The following CACNA2D1 variants were observed in gnomAD, a reference collection of about 807,000 sequenced individuals.
CACNA2D1 encodes voltage-dependent calcium channel subunit alpha-2/delta-1.
Under a neutral mutation model 171.5 loss-of-function variants are expected in CACNA2D1, and 53 were observed. The ratio of observed to expected loss-of-function variants is 0.31; its 90% CI spans 0.25 to 0.39. CACNA2D1 has a LOEUF of 0.39. Among genes scored for constraint, CACNA2D1 ranks in the 10% least tolerant of loss-of-function variants. The pLI is 1.00. For missense variants in CACNA2D1, 903 were observed against 1,299.8 expected, an observed-to-expected ratio of 0.69 and a Z score of 4.69; for synonymous variants, 442 against 443.1, an observed-to-expected ratio of 1.00 and a Z score of 0.03.
At chr7:82,263,694 T>C (rs1044297446) in intron 3 of CACNA2D1, among the ~76,000 whole-genome samples, 15 of 152,224 alleles carry the variant, frequency 9.9e-5, no homozygotes, top group African/African-American at 2.2e-4. Flanking sequence ...TTTTGTTTCG[T>C]TTTGTTTTGG....
intron 10 of CACNA2D1, among the ~76,000 whole-genome samples, chr7:82,057,760 CAGG>C (rs1806124674): frequency 6.6e-6 from 1 of 152,088 alleles, no homozygotes; most frequent in Admixed American, 6.6e-5. Context: ...TCATAGGCCC[CAGG>C]AGGAGTAAGA....
At chr7:82,397,687 T>C (rs1205839025) in intron 1 of CACNA2D1, among the ~76,000 whole-genome samples, 1 of 152,164 alleles carries the variant, frequency 6.6e-6, no homozygotes, top group Non-Finnish European at 1.5e-5. Context: ...GACAGCCAAA[T>C]GTATTGAGCA....
Position 82,070,398 on chromosome 7 carries a change from TG to T in CACNA2D1, c.659-3875del, listed in dbSNP as rs144205566. ...CCTTAATGAAAAATCTGAAATCTTT[TG>T]TATCTTAGTATAGTAAAGTACTTCT... is the stretch of plus-strand genomic sequence containing the variant. On this transcript the variant is annotated intron_variant, in intron 7 of 38. Coordinates refer to ENST00000356860, the MANE Select transcript of CACNA2D1 (RefSeq NM_000722.4). Among the ~76,000 whole-genome samples, 1,262 of 152,348 alleles carry T rather than the reference TG, an allele frequency of 8.3e-3. 21 individuals are homozygous for T. The highest frequency in any genetic ancestry group is 0.029 in the African/African-American group (1,203 of 41,572).
intron 10 of CACNA2D1, among the ~76,000 whole-genome samples, chr7:82,052,520 A>G (rs1376039466): frequency 4.6e-5 from 7 of 152,228 alleles, no homozygotes; most frequent in Non-Finnish European, 1.0e-4. Context: ...AGAATGTTGC[A>G]TAAGAATCAA....
chr7:82,239,298 T>C (rs991045529), intron 3 of CACNA2D1, among the ~76,000 whole-genome samples: 2 of 151,244 alleles, frequency 1.3e-5, no homozygotes, highest in African/African-American at 4.9e-5. Flanking sequence ...ATAAATTTGG[T>C]GGTGTACTGT....
At chr7:82,435,926 A>G (rs1052024838) in intron 1 of CACNA2D1, among the ~76,000 whole-genome samples, 10 of 152,130 alleles carry the variant, frequency 6.6e-5, no homozygotes, top group African/African-American at 2.4e-4. Context: ...CATCACTTCC[A>G]ATTGACAAGT....
At chr7:82,045,928 A>G (rs773050482) in intron 10 of CACNA2D1, among the ~76,000 whole-genome samples, 9 of 152,240 alleles carry the variant, frequency 5.9e-5, no homozygotes, top group South Asian at 2.1e-4. Flanking sequence ...ACTTTTCTCT[A>G]AGGTCTTTAA....
intron 4 of CACNA2D1, among the ~76,000 whole-genome samples, chr7:82,153,787 C>T (rs1303426188): frequency 6.6e-6 from 1 of 151,754 alleles, no homozygotes; most frequent in East Asian, 1.9e-4. Context: ...CTCCACCCAC[C>T]AAACCTTACC....
At chr7:82,337,912 T>C (rs1056039815) in intron 2 of CACNA2D1, among the ~76,000 whole-genome samples, 6 of 152,154 alleles carry the variant, frequency 3.9e-5, no homozygotes, top group African/African-American at 1.4e-4. Flanking sequence ...TTTCCTACAA[T>C]CTTAACCAAC....
intron 24 of CACNA2D1, 89 bp from the exon 25 acceptor site, chr7:81,974,641 T>A (rs985303431): frequency 7.7e-6 from 5 of 650,790 alleles, no homozygotes; most frequent in African/African-American, 2.0e-5. Flanking sequence ...TTTTTTTTTT[T>A]ATTAGCCACA....
intron 21 of CACNA2D1, among the ~76,000 whole-genome samples, chr7:81,987,255 T>C (rs1797065299): frequency 1.3e-5 from 2 of 152,186 alleles, no homozygotes; most frequent in African/African-American, 4.8e-5. Context: ...TTTATCAACA[T>C]TCCTAGTCAA....
chr7:82,191,414 C>G (rs536862912), intron 3 of CACNA2D1, among the ~76,000 whole-genome samples: 1 of 151,798 alleles, frequency 6.6e-6, no homozygotes, highest in South Asian at 2.1e-4. Flanking sequence ...TTTCCCAGAG[C>G]AATCTGAATT....
Position 81,950,454 on chromosome 7 carries a change from T to C in CACNA2D1, c.3214A>G (p.Ile1072Val). 2 of 1,612,994 alleles carry C rather than the reference T, an allele frequency of 1.2e-6. No individual in the cohort carries two copies. The highest frequency in any genetic ancestry group is 8.5e-7 in the Non-Finnish European group (1 of 1,179,582). ...VSGLNPSLWY[I>V]IGIQFLLLWL... ...AGTAGTAGAAACTGGATTCCAATGA[T>C]ATACCACAGGGAGGGATTTAATCCA... The change falls in exon 39 of 39, where the codon ATC becomes GTC. Residue 1072 changes from isoleucine (I) to valine (V), a missense_variant. By Grantham distance (29) the Ile-to-Val change is conservative (BLOSUM62 3). Coordinates refer to ENST00000356860, the MANE Select transcript of CACNA2D1 (RefSeq NM_000722.4).
At chr7:82,032,987 G>T in intron 11 of CACNA2D1, 86 bp from the exon 12 acceptor site, 1 of 777,244 alleles carries the variant, frequency 1.3e-6, no homozygotes. Flanking sequence ...AGCATGAGCA[G>T]GTTGCAAGTA....
intron 3 of CACNA2D1, among the ~76,000 whole-genome samples, chr7:82,282,384 T>TA (rs1442480456): frequency 1.3e-5 from 2 of 152,196 alleles, no homozygotes; most frequent in Non-Finnish European, 2.9e-5. Context: ...AGTTGGGGAA[T>TA]ATCGGAATTG....
chr7:82,189,947 G>T (rs1414130567), intron 3 of CACNA2D1, among the ~76,000 whole-genome samples: 1 of 151,832 alleles, frequency 6.6e-6, no homozygotes, highest in African/African-American at 2.4e-5. Flanking sequence ...AATGATAGGA[G>T]CCACAAACGT....
intron 4 of CACNA2D1, among the ~76,000 whole-genome samples, chr7:82,144,797 A>C (rs1479852425): frequency 6.6e-6 from 1 of 152,074 alleles, no homozygotes; most frequent in African/African-American, 2.4e-5. Flanking sequence ...AATTAGTTGC[A>C]TAATAAAAAA....
chr7:82,394,224 A>C (rs1825529264), intron 1 of CACNA2D1, among the ~76,000 whole-genome samples: 1 of 152,102 alleles, frequency 6.6e-6, no homozygotes. Context: ...ATCACAATCG[A>C]GTGATTTTTA....
At chr7:82,387,071 T>C (rs1282405433) in intron 1 of CACNA2D1, among the ~76,000 whole-genome samples, 1 of 152,104 alleles carries the variant, frequency 6.6e-6, no homozygotes, top group Non-Finnish European at 1.5e-5. Flanking sequence ...TTATTAATTA[T>C]TATACTTAAG....
Sources: allele counts gnomAD v4.1 joint callset (sites outside exome capture counted in the v4.1 genomes callset), GRCh38; gene constraint gnomAD v4.1.1; transcripts MANE v1.5; gene names NCBI Gene and HGNC (gene_info 2026-07-23, HGNC 2026-07-21).